Variants in USH2A observed in about 807,000 individuals in gnomAD.
USH2A encodes the protein usherin.
A neutral mutation model predicts 538.9 loss-of-function variants in USH2A; 443 were observed. That is an observed-to-expected ratio of 0.82 (90% CI 0.76 to 0.89). The LOEUF (loss-of-function observed/expected upper bound fraction) is 0.89, where lower values mean the gene tolerates loss of function less well. Ranked by LOEUF, USH2A falls within the 40% of genes least tolerant of loss-of-function variation. The pLI, the probability that USH2A is intolerant of heterozygous loss-of-function variation, is 0.00. For missense variants in USH2A, 6,633 were observed against 6,324.8 expected, an observed-to-expected ratio of 1.05 and a Z score of -1.65; for synonymous variants, 2,413 against 2,273.5, an observed-to-expected ratio of 1.06 and a Z score of -1.75.
intron 22 of USH2A, among the ~76,000 whole-genome samples, chr1:216,096,263 G>A (rs1269543630): frequency 1.3e-5 from 2 of 152,232 alleles, no homozygotes; most frequent in East Asian, 3.9e-4. Flanking sequence ...TCAGTGTACT[G>A]AATGTGCCAT....
intron 21 of USH2A, among the ~76,000 whole-genome samples, chr1:216,098,611 G>A (rs1011257226): frequency 7.9e-5 from 12 of 152,078 alleles, no homozygotes; most frequent in Non-Finnish European, 1.8e-4. Context: ...ATATCATTTG[G>A]TGAACATTGG....
chr1:216,169,725 C>A lies in USH2A; in HGVS notation c.4627+5527G>T, dbSNP rs182389142. On this transcript the variant is annotated intron_variant, in intron 21 of 71. Transcript: ENST00000307340. ...AAAACACAGCAGAGTTTTGTCACTG[C>A]CTGAGAATTATTTCTCCTTTACTTT... Among the ~76,000 whole-genome samples, 4 of 152,172 alleles carry A rather than the reference C, an allele frequency of 2.6e-5. No homozygotes were observed. In the East Asian group the frequency reaches 7.7e-4, roughly 29 times the overall value.
chr1:216,118,220 A>G (rs558427031), intron 21 of USH2A, among the ~76,000 whole-genome samples: 5 of 152,322 alleles, frequency 3.3e-5, no homozygotes, highest in Non-Finnish European at 7.3e-5. Context: ...TTGGCCCTAT[A>G]TAAGTATTAG....
chr1:215,879,190 G>C, intron 41 of USH2A, 92 bp from the exon 42 acceptor site: 2 of 1,133,336 alleles, frequency 1.8e-6, no homozygotes, highest in Non-Finnish European at 2.7e-6. Flanking sequence ...CTTGTTTTCA[G>C]TTAAGTCATT....
intron 38 of USH2A, among the ~76,000 whole-genome samples, chr1:215,915,311 C>G (rs1454429838): frequency 6.6e-6 from 1 of 152,090 alleles, no homozygotes; most frequent in African/African-American, 2.4e-5. Context: ...TTCCCTACCT[C>G]TTCCCCATCC....
At chr1:215,717,735 C>T (rs1488552234) in intron 61 of USH2A, among the ~76,000 whole-genome samples, 3 of 152,080 alleles carry the variant, frequency 2.0e-5, no homozygotes, top group Non-Finnish European at 4.4e-5. Context: ...TGTCTTGGCC[C>T]TCAATTGCAA....
At chr1:216,016,453 C>T (rs1668713579) in intron 32 of USH2A, among the ~76,000 whole-genome samples, 1 of 152,140 alleles carries the variant, frequency 6.6e-6, no homozygotes, top group South Asian at 2.1e-4. Context: ...ACAAATTCTT[C>T]CATTTGTGCT....
chr1:215,801,619 G>T (rs1342364349), intron 49 of USH2A, among the ~76,000 whole-genome samples: 1 of 152,044 alleles, frequency 6.6e-6, no homozygotes, highest in Non-Finnish European at 1.5e-5. Context: ...GTTGTTGAAA[G>T]AAATTAAAGA....
intron 15 of USH2A, among the ~76,000 whole-genome samples, chr1:216,216,526 C>A (rs2035344675): frequency 6.6e-6 from 1 of 151,986 alleles, no homozygotes; most frequent in East Asian, 1.9e-4. Context: ...CATTGTGACT[C>A]ATGACAGTCT....
rs115578532 is a variant in USH2A at position 216,162,724 on chromosome 1, G to A, written c.4627+12528C>T. Among the ~76,000 whole-genome samples the A allele has an allele frequency of 3.0e-3, 454 of 152,036 alleles. 1 individual carries two copies. Among genetic ancestry groups the A allele is most frequent in the African/African-American group, 0.011 (437 of 41,504 alleles). On this transcript the variant is annotated intron_variant, in intron 21 of 71. Coordinates refer to ENST00000307340, the MANE Select transcript of USH2A (RefSeq NM_206933.4). ...ATAAAGGACGGACTTTTGGAGAGTC[G>A]AGTGAAAGCTCAGAGTATTCACCAA...
At chr1:216,418,740 G>A in intron 2 of USH2A, 61 bp from the exon 3 acceptor site, 25 of 1,584,160 alleles carry the variant, frequency 1.6e-5, no homozygotes, top group Non-Finnish European at 2.2e-5. Flanking sequence ...ACATGCTAAG[G>A]TATTGTGCAG....
rs78611580 is a variant in USH2A at position 216,316,090 on chromosome 1, A to G, written c.1644+5793T>C. On this transcript the variant is annotated intron_variant, in intron 9 of 71. Transcript: ENST00000307340. ...CATACATTAAAGTCAAGGCCTTAAA[A>G]TTGCCAGTACAATACAAAAATGTAT... Among the ~76,000 whole-genome samples the G allele has an allele frequency of 6.7e-3, 1,021 of 152,278 alleles. 9 individuals carry two copies. Among genetic ancestry groups the G allele is most frequent in the African/African-American group, 0.023 (952 of 41,556 alleles).
intron 9 of USH2A, among the ~76,000 whole-genome samples, chr1:216,305,737 G>A (rs1606358): frequency 2.0e-5 from 3 of 151,824 alleles, no homozygotes; most frequent in South Asian, 2.1e-4. Flanking sequence ...TTTGTTTGTC[G>A]GAAAAAGACT....
chr1:215,754,312 C>T (rs1571652279), intron 58 of USH2A, among the ~76,000 whole-genome samples: 2 of 152,212 alleles, frequency 1.3e-5, no homozygotes, highest in Non-Finnish European at 2.9e-5. Flanking sequence ...TGTCACTATT[C>T]CCTAGACCTT....
chr1:216,023,539 A>G (rs976801934), intron 32 of USH2A, among the ~76,000 whole-genome samples: 1 of 147,886 alleles, frequency 6.8e-6, no homozygotes, highest in Admixed American at 6.9e-5. Flanking sequence ...CCTTGAGGAG[A>G]GAAAAACAAC....
chr1:216,310,586 A>C (rs1241076022), intron 9 of USH2A, among the ~76,000 whole-genome samples: 1 of 152,054 alleles, frequency 6.6e-6, no homozygotes, highest in African/African-American at 2.4e-5. Flanking sequence ...CTTCAAGCTC[A>C]CTGATTCTTT....
intron 21 of USH2A, among the ~76,000 whole-genome samples, chr1:216,107,686 CTTT>C (rs34087316): frequency 1.4e-5 from 2 of 142,658 alleles, no homozygotes; most frequent in African/African-American, 2.5e-5. Context: ...CTTTCTTCTT[CTTT>C]TTTTTTTTTG....
intron 10 of USH2A, 43 bp from the exon 11 acceptor site, chr1:216,289,453 A>G (rs753305567): frequency 1.2e-6 from 2 of 1,612,636 alleles, no homozygotes; most frequent in South Asian, 2.2e-5. Context: ...CTAATTCATT[A>G]AAATCAGCTG....
intron 32 of USH2A, among the ~76,000 whole-genome samples, chr1:216,026,606 AT>A (rs1469741588): frequency 6.6e-6 from 1 of 152,168 alleles, no homozygotes; most frequent in African/African-American, 2.4e-5. Context: ...TCATGAAAAA[AT>A]TAATTCTCCC....
Sources: allele counts gnomAD v4.1 joint callset (sites outside exome capture counted in the v4.1 genomes callset), GRCh38; gene constraint gnomAD v4.1.1; transcripts MANE v1.5; gene names NCBI Gene and HGNC (gene_info 2026-07-23, HGNC 2026-07-21).